The following HYDIN variants were observed in gnomAD, a reference collection of about 807,000 sequenced individuals.
The protein encoded by HYDIN is axonemal central pair apparatus protein HYDIN.
HYDIN carries 132 observed loss-of-function variants against 403.9 expected under a neutral mutation model. That is an observed-to-expected ratio of 0.33 (90% CI 0.28 to 0.38). The LOEUF is 0.38. Among genes scored for constraint, HYDIN ranks in the 10% least tolerant of loss-of-function variants. The pLI is 1.00. For synonymous variants in HYDIN, 1,202 were observed against 1,891.7 expected, an observed-to-expected ratio of 0.64 and a Z score of 9.46; for missense variants, 2,827 against 5,009.5, an observed-to-expected ratio of 0.56 and a Z score of 13.15.
chr16:70,953,496 C>T, intron 40 of HYDIN, among the ~76,000 whole-genome samples: 1 of 152,130 alleles, frequency 6.6e-6, no homozygotes, highest in East Asian at 1.9e-4. Flanking sequence ...CTCTGGGGCC[C>T]TTTCCTTGAC....
At chr16:71,056,544 T>C (rs1223006625) in intron 18 of HYDIN, among the ~76,000 whole-genome samples, 1 of 152,028 alleles carries the variant, frequency 6.6e-6, no homozygotes, top group African/African-American at 2.4e-5. Context: ...AACAGCTGTT[T>C]CTTGCGAAGG....
chr16:70,896,674 T>TA (rs2076214531), intron 53 of HYDIN, among the ~76,000 whole-genome samples: 1 of 147,802 alleles, frequency 6.8e-6, no homozygotes, highest in East Asian at 1.9e-4. Flanking sequence ...TTTTTTTTTT[T>TA]AACTTCTAAA....
intron 7 of HYDIN, among the ~76,000 whole-genome samples, chr16:71,151,797 C>T (rs574928692): frequency 6.6e-6 from 1 of 150,516 alleles, no homozygotes; most frequent in African/African-American, 2.4e-5. Context: ...GCATAATGTA[C>T]ATGCCATCTA....
intron 52 of HYDIN, among the ~76,000 whole-genome samples, chr16:70,902,815 ATATATAT>A (rs1567799356): frequency 6.1e-5 from 1 of 16,288 alleles, no homozygotes; most frequent in African/African-American, 2.6e-4. Context: ...ATATATATAT[ATATATAT>A]TTTTTTTTTT....
At chr16:71,064,506 C>T (rs1255690899) in intron 16 of HYDIN, among the ~76,000 whole-genome samples, 199 bp downstream of exon 16, 3 of 152,130 alleles carry the variant, frequency 2.0e-5, no homozygotes, top group African/African-American at 7.2e-5. Flanking sequence ...CAACGATTTA[C>T]ACCTGCAGCT....
intron 1 of HYDIN, among the ~76,000 whole-genome samples, chr16:71,222,285 C>A (rs538067390): frequency 6.6e-6 from 1 of 152,230 alleles, no homozygotes; most frequent in East Asian, 1.9e-4. Flanking sequence ...AAATCCAGCA[C>A]CCCTTTATGG....
At position 70,928,228 on chromosome 16, in the gene HYDIN, C is replaced by T. The variant is rs916816060; in HGVS notation, c.7159-7011G>A. On this transcript the variant is annotated intron_variant, in intron 45 of 85. Transcript: ENST00000393567. ...AGAAGAGGGTAGCACTTTGGGAGGC[C>T]GAGGCGGGTGGACTGCTTGAGCCCG... is the stretch of plus-strand genomic sequence containing the variant. 1.4e-4 allele frequency among the ~76,000 whole-genome samples: 21 copies of T among 152,252 alleles called. No homozygotes were observed. The East Asian group carries it at 2.1e-3, about 15-fold the overall frequency.
intron 80 of HYDIN, 80 bp from the exon 81 acceptor site, chr16:70,829,910 T>C: frequency 7.9e-7 from 1 of 1,261,978 alleles, no homozygotes; most frequent in East Asian, 2.4e-5. Context: ...GAATGTGCGC[T>C]GGGGAAGACT....
intron 30 of HYDIN, among the ~76,000 whole-genome samples, chr16:70,978,042 G>A (rs1208246817): frequency 6.6e-6 from 1 of 151,778 alleles, no homozygotes; most frequent in Non-Finnish European, 1.5e-5. Context: ...CAGTGGCTCC[G>A]GTTCCCTACT....
intron 42 of HYDIN, among the ~76,000 whole-genome samples, chr16:70,942,477 G>A (rs2077709985): frequency 6.6e-6 from 1 of 152,204 alleles, no homozygotes. Context: ...GTCACAGGCA[G>A]CAGGGGGAGC....
intron 3 of HYDIN, among the ~76,000 whole-genome samples, chr16:71,179,249 T>C (rs1362613586): frequency 2.7e-5 from 4 of 150,502 alleles, no homozygotes. Context: ...GAGGGAAAAA[T>C]AGAATATTTA....
chr16:70,841,659 G>A (rs190003127), intron 75 of HYDIN, among the ~76,000 whole-genome samples: 57 of 152,218 alleles, frequency 3.7e-4, no homozygotes, highest in Non-Finnish European at 5.3e-4. Context: ...GTAGGAGTGC[G>A]TTTGCTATGG....
chr16:70,879,583 G>A (rs562876613), intron 61 of HYDIN, 22 bp downstream of exon 61: 2 of 1,612,976 alleles, frequency 1.2e-6, no homozygotes, highest in Admixed American at 3.3e-5. Flanking sequence ...AGGAGAGGGA[G>A]CTGGGAGCTG....
intron 54 of HYDIN, among the ~76,000 whole-genome samples, chr16:70,894,907 C>T (rs1233010833): frequency 6.6e-6 from 1 of 151,834 alleles, no homozygotes; most frequent in Non-Finnish European, 1.5e-5. Context: ...TAAGCATTTC[C>T]CCCAAATAAT....
intron 4 of HYDIN, among the ~76,000 whole-genome samples, chr16:71,177,864 T>C (rs749008377): frequency 5.9e-5 from 9 of 152,186 alleles, no homozygotes; most frequent in Non-Finnish European, 1.2e-4. Context: ...GCATTTAATA[T>C]CTTTTCTTGA....
chr16:71,171,981 G>A (rs1316013646), intron 5 of HYDIN, among the ~76,000 whole-genome samples: 1 of 152,176 alleles, frequency 6.6e-6, no homozygotes, highest in Non-Finnish European at 1.5e-5. Context: ...TTTCAGGCAG[G>A]AGGAAAACAA....
chr16:70,879,514 G>A (rs749300375), intron 61 of HYDIN, 28 bp from the exon 62 acceptor site: 17 of 1,610,926 alleles, frequency 1.1e-5, no homozygotes, highest in Non-Finnish European at 1.4e-5. Context: ...ATTGTAGCCT[G>A]TCAGCCTGGC....
At chr16:70,942,031 T>G in intron 42 of HYDIN, among the ~76,000 whole-genome samples, 1 of 146,750 alleles carries the variant, frequency 6.8e-6, no homozygotes, top group South Asian at 2.2e-4. Context: ...TTTTTTTTTT[T>G]TTTGAGACAG....
At chr16:71,040,029 A>G (rs2081233243) in intron 18 of HYDIN, among the ~76,000 whole-genome samples, 2 of 151,658 alleles carry the variant, frequency 1.3e-5, no homozygotes, top group Admixed American at 6.5e-5. Context: ...CGCCCCCAAG[A>G]TGCTGCCACA....
Sources: gnomAD v4.1 joint callset for allele counts (sites outside exome capture counted in the v4.1 genomes callset) on GRCh38, gnomAD v4.1.1 for gene constraint, MANE v1.5 for transcripts, NCBI Gene and HGNC (gene_info 2026-07-23, HGNC 2026-07-21) for gene names.